DACH2: variants seen among roughly 807,000 people sequenced by gnomAD.
The protein encoded by DACH2 is dachshund family transcription factor 2, also known as dachshund homolog 2.
In DACH2, 17 loss-of-function variants were observed where a neutral mutation model predicts 35.8. The observed-to-expected ratio is 0.48, with a 90% CI of 0.33 to 0.71. The LOEUF is 0.71. DACH2 is among the 30% of genes least tolerant of loss of function. DACH2 has a pLI of 0.02. For missense variants in DACH2, 469 were observed against 472.7 expected, an observed-to-expected ratio of 0.99 and a Z score of 0.07; for synonymous variants, 195 against 177.3, an observed-to-expected ratio of 1.10 and a Z score of -0.79.
chrX:86,562,730 G>A (rs1356616237), intron 3 of DACH2, among the ~76,000 whole-genome samples: 1 of 111,427 alleles, frequency 9.0e-6, no homozygotes, highest in Non-Finnish European at 1.9e-5. Flanking sequence ...TTTGAGTAAA[G>A]TATATGAATA....
chrX:86,637,950 G>A (rs1044681204), intron 3 of DACH2, among the ~76,000 whole-genome samples: 2 of 111,745 alleles, frequency 1.8e-5, no homozygotes, highest in Non-Finnish European at 3.8e-5. Flanking sequence ...AGCCTGAATA[G>A]CCAAGGCAAT....
chrX:86,780,738 G>A (rs2042081661), intron 7 of DACH2, among the ~76,000 whole-genome samples: 1 of 111,392 alleles, frequency 9.0e-6, no homozygotes, highest in Admixed American at 9.5e-5. Flanking sequence ...CTCCTCATGG[G>A]TCACACTCTC....
chrX:86,480,457 A>G (rs1254718853), intron 2 of DACH2, among the ~76,000 whole-genome samples: 1 of 111,680 alleles, frequency 9.0e-6, no homozygotes, highest in Non-Finnish European at 1.9e-5. Flanking sequence ...CCAAAGGTCT[A>G]CTGTAACTCT....
chrX:86,442,145 G>A (rs1175345617), intron 2 of DACH2, among the ~76,000 whole-genome samples: 1 of 110,202 alleles, frequency 9.1e-6, no homozygotes. Context: ...TGGGATTACA[G>A]GCATGGGTCA....
chrX:86,149,173 C>T (rs2030271062), intron 1 of DACH2, 65 bp downstream of exon 1: 6 of 1,088,531 alleles, frequency 5.5e-6, no homozygotes, highest in Non-Finnish European at 4.8e-6. Context: ...GCATGCCTCA[C>T]CACCCTCATC....
chrX:86,785,655 T>C (rs762883195), intron 7 of DACH2, among the ~76,000 whole-genome samples: 1 of 110,424 alleles, frequency 9.1e-6, no homozygotes, highest in East Asian at 2.9e-4. Context: ...AGAAGAGGAG[T>C]GGTGTGGTAG....
Position 86,782,797 on chromosome X carries a change from A to G in DACH2, c.1241-30059A>G, listed in dbSNP as rs1042753786. ...AGACAGAAATCTAAGACCTCAAACT[A>G]TGAAACTACTACAGGAGAGCTTTGG... On this transcript the variant is annotated intron_variant, in intron 7 of 11. Coordinates refer to ENST00000373125, the MANE Select transcript of DACH2 (RefSeq NM_053281.3). 2.7e-5 allele frequency among the ~76,000 whole-genome samples: 3 copies of G among 111,722 alleles called. 1 individual carries two copies. The highest frequency in any genetic ancestry group is 1.9e-5 in the Non-Finnish European group (1 of 53,035).
At chrX:86,599,023 A>T (rs1342373005) in intron 3 of DACH2, among the ~76,000 whole-genome samples, 4 of 109,780 alleles carry the variant, frequency 3.6e-5, no homozygotes, top group African/African-American at 1.0e-4. Context: ...CTCATTGTTC[A>T]ATTCCCACCT....
At chrX:86,790,684 T>C (rs1219042514) in intron 7 of DACH2, among the ~76,000 whole-genome samples, 1 of 111,620 alleles carries the variant, frequency 9.0e-6, no homozygotes, top group Non-Finnish European at 1.9e-5. Flanking sequence ...TAGCTGGGAC[T>C]ACTGATGTGT....
intron 5 of DACH2, among the ~76,000 whole-genome samples, chrX:86,699,853 A>G (rs930845674): frequency 1.8e-5 from 2 of 111,545 alleles, no homozygotes; most frequent in African/African-American, 6.5e-5. Context: ...TATAAACTTC[A>G]ATACTAACAC....
intron 1 of DACH2, among the ~76,000 whole-genome samples, chrX:86,276,960 A>G (rs773834951): frequency 3.6e-5 from 4 of 111,500 alleles, no homozygotes; most frequent in Non-Finnish European, 5.6e-5. Flanking sequence ...GTAGTTGGGT[A>G]ATGAGATTCC....
chrX:86,272,605 G>A (rs1471567288), intron 1 of DACH2, among the ~76,000 whole-genome samples: 2 of 111,630 alleles, frequency 1.8e-5, no homozygotes, highest in East Asian at 2.8e-4. Flanking sequence ...AGTTCTTTCC[G>A]ATGCAAAGTA....
intron 7 of DACH2, among the ~76,000 whole-genome samples, chrX:86,785,712 C>T (rs1219231785): frequency 2.7e-5 from 3 of 111,278 alleles, no homozygotes; most frequent in African/African-American, 9.8e-5. Context: ...ATGTGAAAAC[C>T]TTAGGAGCAT....
chrX:86,628,662 A>G (rs968266399), intron 3 of DACH2, among the ~76,000 whole-genome samples: 1 of 112,588 alleles, frequency 8.9e-6, no homozygotes, highest in Admixed American at 9.4e-5. Context: ...AAATATCACA[A>G]TGTTGAATAA....
At chrX:86,815,575 C>CTA (rs1318031446) in intron 10 of DACH2, among the ~76,000 whole-genome samples, 51 of 103,732 alleles carry the variant, frequency 4.9e-4, no homozygotes, top group East Asian at 2.4e-3. Flanking sequence ...GTTGCACTTA[C>CTA]TATATATATA....
intron 3 of DACH2, among the ~76,000 whole-genome samples, chrX:86,648,697 A>T (rs2040442590): frequency 9.0e-6 from 1 of 110,550 alleles, no homozygotes. Context: ...ATGGGTATAA[A>T]CTTAGCTCCA....
intron 1 of DACH2, among the ~76,000 whole-genome samples, chrX:86,276,645 T>A (rs897021562): frequency 8.9e-6 from 1 of 111,979 alleles, no homozygotes; most frequent in African/African-American, 3.2e-5. Context: ...TGTTTTCTTG[T>A]AGTATTTTCA....
intron 7 of DACH2, chrX:86,798,525 A>G (rs1261247149): frequency 8.8e-6 from 1 of 113,603 alleles, no homozygotes; most frequent in African/African-American, 3.2e-5. Flanking sequence ...CAAATTGAAA[A>G]TAAAAACTTT....
intron 1 of DACH2, among the ~76,000 whole-genome samples, chrX:86,279,043 T>G (rs980697419): frequency 7.1e-5 from 8 of 111,906 alleles, no homozygotes; most frequent in Non-Finnish European, 1.5e-4. Flanking sequence ...TCAGCTCCAG[T>G]CAGGGGCTTA....
Sources: allele counts gnomAD v4.1 joint callset (sites outside exome capture counted in the v4.1 genomes callset), GRCh38; gene constraint gnomAD v4.1.1; transcripts MANE v1.5; gene names NCBI Gene and HGNC (gene_info 2026-07-23, HGNC 2026-07-21).